The following CCSER1 variants were observed in gnomAD, a reference collection of about 807,000 sequenced individuals.
CCSER1 encodes the protein coiled-coil serine rich protein 1, also known as serine-rich coiled-coil domain-containing protein 1.
Under a neutral mutation model 82.0 loss-of-function variants are expected in CCSER1, and 41 were observed. That is an observed-to-expected ratio of 0.50 (90% CI 0.39 to 0.65). The LOEUF is 0.65. CCSER1 is among the 30% of genes least tolerant of loss of function. The pLI, the probability that CCSER1 is intolerant of heterozygous loss-of-function variation, is 0.00. For missense variants in CCSER1, 1,119 were observed against 1,064.2 expected, an observed-to-expected ratio of 1.05 and a Z score of -0.72; for synonymous variants, 414 against 383.9, an observed-to-expected ratio of 1.08 and a Z score of -0.92.
chr4:90,749,340 A>T (rs1223474798), intron 7 of CCSER1, among the ~76,000 whole-genome samples: 1 of 151,758 alleles, frequency 6.6e-6, no homozygotes, highest in Non-Finnish European at 1.5e-5. Context: ...CAAAGATCAG[A>T]TAGTTGTAGA....
At chr4:90,424,280 A>T (rs1240862987) in intron 4 of CCSER1, among the ~76,000 whole-genome samples, 1 of 152,174 alleles carries the variant, frequency 6.6e-6, no homozygotes, top group African/African-American at 2.4e-5. Context: ...GGAATCTGAA[A>T]AATCCATAGG....
At chr4:91,227,932 A>G (rs1305627369) in intron 10 of CCSER1, among the ~76,000 whole-genome samples, 1 of 151,968 alleles carries the variant, frequency 6.6e-6, no homozygotes, top group African/African-American at 2.4e-5. Flanking sequence ...ATAAAAAGAG[A>G]ATTTGTAGAT....
intron 10 of CCSER1, among the ~76,000 whole-genome samples, chr4:91,427,340 G>A (rs1183575886): frequency 6.6e-6 from 1 of 152,074 alleles, no homozygotes; most frequent in African/African-American, 2.4e-5. Flanking sequence ...TGTGATTCAT[G>A]TAATATATAA....
intron 10 of CCSER1, among the ~76,000 whole-genome samples, chr4:91,092,651 C>G (rs1561542337): frequency 6.6e-6 from 1 of 152,194 alleles, no homozygotes. Context: ...GTACAGCCAG[C>G]ATGACTGCAG....
At chr4:90,204,430 C>A (rs1470187295) in intron 1 of CCSER1, among the ~76,000 whole-genome samples, 1 of 152,190 alleles carries the variant, frequency 6.6e-6, no homozygotes, top group Non-Finnish European at 1.5e-5. Context: ...GTTTTCCCAA[C>A]ACCATTTATT....
chr4:91,436,289 T>C (rs1426532164), intron 10 of CCSER1, among the ~76,000 whole-genome samples: 2 of 152,170 alleles, frequency 1.3e-5, no homozygotes, highest in African/African-American at 4.8e-5. Flanking sequence ...ATTAAGGTAA[T>C]ATATATAAAT....
At chr4:90,403,558 T>C (rs1753254558) in intron 4 of CCSER1, among the ~76,000 whole-genome samples, 1 of 149,328 alleles carries the variant, frequency 6.7e-6, no homozygotes, top group South Asian at 2.1e-4. Flanking sequence ...TTATGATTGA[T>C]AATTGATATT....
intron 9 of CCSER1, among the ~76,000 whole-genome samples, chr4:90,964,938 G>A (rs905321799): frequency 2.6e-5 from 4 of 151,860 alleles, no homozygotes; most frequent in African/African-American, 9.7e-5. Flanking sequence ...TTGCTATCCG[G>A]TGACCTTGCA....
intron 10 of CCSER1, among the ~76,000 whole-genome samples, chr4:91,104,071 CAGT>C (rs1725357521): frequency 6.6e-6 from 1 of 152,088 alleles, no homozygotes; most frequent in Non-Finnish European, 1.5e-5. Context: ...TGGTCTCCTG[CAGT>C]ACCCTTAGGC....
At chr4:91,341,442 A>T (rs1033949784) in intron 10 of CCSER1, among the ~76,000 whole-genome samples, 2 of 152,254 alleles carry the variant, frequency 1.3e-5, no homozygotes, top group Non-Finnish European at 2.9e-5. Context: ...CATTAAAAGT[A>T]GCTTTAATGG....
rs552295553 is a variant in CCSER1, at chr4:90,265,647, G to A, written c.-41-42597G>A. ...CAATTATTACAAAATAAAACGTATTGTTCTGAATGTAACGAAGAGGAGATA... is the reference window on the plus strand; with the variant it reads ...CAATTATTACAAAATAAAACGTATTATTCTGAATGTAACGAAGAGGAGATA... On this transcript the variant is annotated intron_variant, in intron 1 of 10. Transcript: ENST00000509176. Among the ~76,000 whole-genome samples the A allele has an allele frequency of 1.8e-3, 276 of 152,078 alleles. 1 individual carries two copies. Among genetic ancestry groups the A allele is most frequent in the African/African-American group, 5.8e-3 (242 of 41,532 alleles).
At chr4:90,840,849 G>C (rs1762486275) in intron 8 of CCSER1, among the ~76,000 whole-genome samples, 1 of 151,790 alleles carries the variant, frequency 6.6e-6, no homozygotes, top group African/African-American at 2.4e-5. Flanking sequence ...TCTTCTTCAG[G>C]CTGGTAAAAT....
intron 5 of CCSER1, among the ~76,000 whole-genome samples, chr4:90,623,950 A>T (rs1043621281): frequency 1.3e-5 from 2 of 152,214 alleles, no homozygotes; most frequent in African/African-American, 2.4e-5. Flanking sequence ...AACTCACCGT[A>T]AATAACCTGA....
intron 5 of CCSER1, among the ~76,000 whole-genome samples, chr4:90,541,871 T>G (rs190233984): frequency 3.2e-4 from 48 of 152,160 alleles, no homozygotes; most frequent in Non-Finnish European, 2.4e-4. Context: ...TGAAAATGGT[T>G]TAAAATGTAT....
chr4:91,301,249 C>T (rs1249209365), intron 10 of CCSER1, among the ~76,000 whole-genome samples: 1 of 151,720 alleles, frequency 6.6e-6, no homozygotes, highest in Non-Finnish European at 1.5e-5. Context: ...TTTATATAAA[C>T]AGTATGTGTA....
At chr4:91,169,537 C>T (rs1471618588) in intron 10 of CCSER1, among the ~76,000 whole-genome samples, 1 of 152,104 alleles carries the variant, frequency 6.6e-6, no homozygotes, top group Non-Finnish European at 1.5e-5. Context: ...ACAAGAATTG[C>T]TTGAACCCAG....
At chr4:90,427,053 C>T (rs1444388254) in intron 4 of CCSER1, among the ~76,000 whole-genome samples, 1 of 151,950 alleles carries the variant, frequency 6.6e-6, no homozygotes, top group Non-Finnish European at 1.5e-5. Context: ...TTATCAAAGA[C>T]AGCTTCCTTT....
intron 8 of CCSER1, among the ~76,000 whole-genome samples, chr4:90,909,014 A>C (rs1331388752): frequency 6.6e-6 from 1 of 152,204 alleles, no homozygotes; most frequent in African/African-American, 2.4e-5. Context: ...AGATGTGGGC[A>C]GAGCCATATT....
intron 10 of CCSER1, among the ~76,000 whole-genome samples, chr4:91,597,742 GTAGCAA>G (rs1296263235): frequency 6.6e-6 from 1 of 151,446 alleles, no homozygotes; most frequent in Non-Finnish European, 1.5e-5. Context: ...CTCTTTCTTT[GTAGCAA>G]CAATAAATCC....
Sources: allele counts gnomAD v4.1 joint callset (sites outside exome capture counted in the v4.1 genomes callset), GRCh38; gene constraint gnomAD v4.1.1; transcripts MANE v1.5; gene names NCBI Gene and HGNC (gene_info 2026-07-23, HGNC 2026-07-21).